Variants in FAAH2 observed in about 807,000 individuals in gnomAD.
The protein encoded by FAAH2 is fatty acid amide hydrolase 2, also known as fatty-acid amide hydrolase 2.
In FAAH2, 60 loss-of-function variants were observed where a neutral mutation model predicts 36.9. That is an observed-to-expected ratio of 1.63 (90% CI 1.32 to 2.02). The LOEUF (loss-of-function observed/expected upper bound fraction) is 2.02. Among genes scored for constraint, FAAH2 ranks in the 30% most tolerant of loss-of-function variants. The pLI, the probability that FAAH2 is intolerant of heterozygous loss-of-function variation, is 0.00. For missense variants in FAAH2, 689 were observed against 397.5 expected, an observed-to-expected ratio of 1.73 and a Z score of -6.23; for synonymous variants, 214 against 143.8, an observed-to-expected ratio of 1.49 and a Z score of -3.49.
intron 10 of FAAH2, among the ~76,000 whole-genome samples, chrX:57,460,509 A>T (rs1174372910): frequency 9.0e-6 from 1 of 111,562 alleles, no homozygotes; most frequent in East Asian, 2.8e-4. Flanking sequence ...GTATTCTCAA[A>T]GAAAAGAATT....
At chrX:57,389,950 A>AT (rs1174365868) in intron 7 of FAAH2, among the ~76,000 whole-genome samples, 254 of 104,185 alleles carry the variant, frequency 2.4e-3, no homozygotes, top group African/African-American at 5.7e-3. Context: ...AGTGTTGTTG[A>AT]TTTTTTTTTT....
At chrX:57,149,326 G>A in the FAAH2 span, among the ~76,000 whole-genome samples, 157 of 111,790 alleles carry the variant, frequency 1.4e-3, 2 homozygotes, top group Middle Eastern at 0.041. Context: ...AGTTTCAGAA[G>A]GAATGGTACC....
chrX:57,250,243 T>A, the FAAH2 span, among the ~76,000 whole-genome samples: 18 of 111,995 alleles, frequency 1.6e-4, no homozygotes, highest in African/African-American at 4.9e-4. Context: ...AGAACATCTG[T>A]AAGGGATCAA....
intron 7 of FAAH2, among the ~76,000 whole-genome samples, chrX:57,398,397 C>G (rs767766811): frequency 1.1e-4 from 12 of 112,138 alleles, no homozygotes; most frequent in Non-Finnish European, 2.1e-4. Flanking sequence ...ATCTACAACT[C>G]TAACAAAATC....
chrX:57,411,980 A>C (rs2147340857), intron 7 of FAAH2, among the ~76,000 whole-genome samples: 1 of 112,224 alleles, frequency 8.9e-6, no homozygotes, highest in South Asian at 3.6e-4. Context: ...TTATCTTAAC[A>C]GATACATACT....
At chrX:57,166,270 G>C in the FAAH2 span, among the ~76,000 whole-genome samples, 1 of 111,295 alleles carries the variant, frequency 9.0e-6, no homozygotes, top group Non-Finnish European at 1.9e-5. Flanking sequence ...GCCCATGTGG[G>C]ATCCGATTTT....
Position 57,432,011 on chromosome X carries a change from A to T in FAAH2, c.1090A>T (p.Met364Leu). The change falls in exon 8 of 11, where the codon ATG (methionine) becomes TTG (leucine). Residue 364 changes from methionine to leucine, a missense_variant. Coordinates refer to ENST00000374900, the MANE Select transcript of FAAH2 (RefSeq NM_174912.4). ...KYSFQLWIAMMSAKGHDGKEP... is the reference protein window; with the variant it reads ...KYSFQLWIAMLSAKGHDGKEP... ...CTCTTTTCAGTTGTGGATCGCAATG[A>T]TGTCAGCAAAGGGACATGATGGGAA... 8.3e-7 allele frequency: 1 copy of T among 1,205,146 alleles called. No homozygotes were observed. Among genetic ancestry groups the T allele is most frequent in the Non-Finnish European group, 1.1e-6 (1 of 891,893 alleles).
At chrX:57,132,598 G>A in the FAAH2 span, among the ~76,000 whole-genome samples, 5 of 112,390 alleles carry the variant, frequency 4.4e-5, no homozygotes, top group East Asian at 8.5e-4. Flanking sequence ...TTTTCACCAC[G>A]TCTACTACCA....
intron 10 of FAAH2, among the ~76,000 whole-genome samples, chrX:57,455,736 A>G (rs774490490): frequency 8.9e-6 from 1 of 112,285 alleles, no homozygotes; most frequent in Non-Finnish European, 1.9e-5. Context: ...AAAGAGTTCA[A>G]TTCAACAGGA....
chrX:57,165,395 A>G, the FAAH2 span, among the ~76,000 whole-genome samples: 4 of 112,359 alleles, frequency 3.6e-5, no homozygotes, highest in Non-Finnish European at 7.5e-5. Flanking sequence ...TTGTAGGTAC[A>G]TGGATGAAAT....
chrX:57,158,395 T>C, the FAAH2 span, among the ~76,000 whole-genome samples: 1 of 112,191 alleles, frequency 8.9e-6, no homozygotes, highest in Non-Finnish European at 1.9e-5. Context: ...ATGGTATTTC[T>C]AGTTCGAGAT....
In FAAH2 at chrX:57,452,082, G is replaced by T. The variant is rs1041209028; in HGVS notation, c.1423+3364G>T. On this transcript the variant is annotated intron_variant, in intron 10 of 10. Coordinates refer to ENST00000374900, the MANE Select transcript of FAAH2 (RefSeq NM_174912.4). ...TTACCAGGACAGATGGAAGGAAACA[G>T]CTTACAAAAGTGGCCTTTCACTGGC... 2.2e-5 allele frequency: 13 copies of T among 585,753 alleles called. No homozygotes were observed. In the African/African-American group the frequency reaches 3.2e-4, roughly 15 times the overall value. 48.3% of individuals were successfully genotyped at this position (585,753 alleles called of 1,213,427 possible).
the FAAH2 span, among the ~76,000 whole-genome samples, chrX:57,229,635 C>T: frequency 8.9e-6 from 1 of 111,760 alleles, no homozygotes; most frequent in East Asian, 2.8e-4. Flanking sequence ...TACTATTCTA[C>T]AATACACATG....
rs754017668 is a variant in FAAH2 at position 57,386,310 on chromosome X, A to G, written c.996+5281A>G. ...GGTAAATTATAAAAGAAGTTATATA[A>G]GTGAACAATAAAAACACAAGAAATG... On this transcript the variant is annotated intron_variant, in intron 7 of 10. Transcript: ENST00000374900. 3.4e-4 allele frequency among the ~76,000 whole-genome samples: 38 copies of G among 112,045 alleles called. 1 individual carries two copies. The highest frequency in any genetic ancestry group is 3.3e-3 in the Admixed American group (35 of 10,551).
At chrX:57,412,373 G>A (rs2055721733) in intron 7 of FAAH2, among the ~76,000 whole-genome samples, 1 of 110,416 alleles carries the variant, frequency 9.1e-6, no homozygotes, top group South Asian at 3.8e-4. Context: ...CCCTCCCCTA[G>A]CACCCCACCC....
chrX:57,479,358 G>C (rs1243659170), intron 10 of FAAH2, among the ~76,000 whole-genome samples: 1 of 112,029 alleles, frequency 8.9e-6, no homozygotes, highest in Non-Finnish European at 1.9e-5. Context: ...AGACTTTGCT[G>C]AAGTTGCTTA....
chrX:57,356,348 G>GT (rs900671912), intron 5 of FAAH2, among the ~76,000 whole-genome samples: 6 of 110,466 alleles, frequency 5.4e-5, no homozygotes, highest in African/African-American at 2.0e-4. Context: ...TAAAAAAAAA[G>GT]TTAGATAGAA....
At chrX:57,174,057 T>C in the FAAH2 span, among the ~76,000 whole-genome samples, 4 of 111,241 alleles carry the variant, frequency 3.6e-5, no homozygotes, top group Non-Finnish European at 5.7e-5. Flanking sequence ...CTGGCTTTGG[T>C]ATCAGGGTAA....
chrX:57,278,240 AC>A, the FAAH2 span, among the ~76,000 whole-genome samples: 1 of 111,641 alleles, frequency 9.0e-6, no homozygotes, highest in Non-Finnish European at 1.9e-5. Context: ...GACCAATGGA[AC>A]AGAACAGAAC....
Sources: gnomAD v4.1 joint callset for allele counts (sites outside exome capture counted in the v4.1 genomes callset) on GRCh38, gnomAD v4.1.1 for gene constraint, MANE v1.5 for transcripts, NCBI Gene and HGNC (gene_info 2026-07-23, HGNC 2026-07-21) for gene names.